The following VAC14 variants were observed in gnomAD, a reference collection of about 807,000 sequenced individuals.
VAC14 encodes VAC14 component of PIKFYVE complex.
Under a neutral mutation model 85.3 loss-of-function variants are expected in VAC14, and 47 were observed. The observed-to-expected ratio is 0.55, with a 90% CI of 0.44 to 0.70. The LOEUF is 0.70. Ranked by LOEUF, VAC14 falls within the 30% of genes least tolerant of loss-of-function variation. The probability of loss-of-function intolerance (pLI) is 0.00; values close to 1 mark genes in which losing one functional copy is unlikely to be tolerated. For missense variants in VAC14, 861 were observed against 1,004.3 expected (o/e 0.86, Z 1.93); for synonymous variants, 447 against 430.5 (o/e 1.04, Z -0.47).
At chr16:70,705,520 C>T (rs980994093) in intron 14 of VAC14, among the ~76,000 whole-genome samples, 1 of 152,242 alleles carries the variant, frequency 6.6e-6, no homozygotes, top group African/African-American at 2.4e-5. Flanking sequence ...TCCCAGGGGC[C>T]TCTGACATTC....
chr16:70,782,053 T>C, intron 7 of VAC14, 50 bp from the exon 8 acceptor site: 1 of 1,598,088 alleles, frequency 6.3e-7, no homozygotes, highest in Middle Eastern at 1.9e-4. Context: ...GCAGCCCGAG[T>C]GCTCCCTCCC....
chr16:70,717,612 G>C (rs192376023), intron 14 of VAC14, among the ~76,000 whole-genome samples: 6 of 152,256 alleles, frequency 3.9e-5, no homozygotes, highest in Non-Finnish European at 7.4e-5. Flanking sequence ...GGGTGGGTTG[G>C]GGGACAGAAG....
rs543483273 is a variant in VAC14, at chr16:70,692,677, G to C, written c.2186+144C>G. Reference sequence around the variant, plus strand: ...GCCAAGGGGCAAGTGGCTGCGGGGGGGATGGTGGTCACAGTGACAAAAGGG... The same window carrying C: ...GCCAAGGGGCAAGTGGCTGCGGGGGCGATGGTGGTCACAGTGACAAAAGGG... On this transcript the variant is annotated intron_variant, in intron 18 of 18. Coordinates refer to ENST00000261776, the MANE Select transcript of VAC14 (RefSeq NM_018052.5). 38 of 1,118,516 alleles carry C rather than the reference G, an allele frequency of 3.4e-5. No homozygotes were observed. In the African/African-American group the frequency reaches 4.7e-4, roughly 14 times the overall value. 69.3% of individuals were successfully genotyped at this position (1,118,516 alleles called of 1,614,324 possible). A position where few individuals can be genotyped will look rare whatever the true frequency, so the allele number is the denominator to read the frequency against.
chr16:70,704,091 G>A (rs1328130617), intron 14 of VAC14, among the ~76,000 whole-genome samples: 4 of 152,222 alleles, frequency 2.6e-5, no homozygotes, highest in African/African-American at 4.8e-5. Context: ...ATGGACAGCC[G>A]CAGGCCTCTG....
chr16:70,782,561 C>T (rs947977608), intron 7 of VAC14, among the ~76,000 whole-genome samples: 1 of 152,262 alleles, frequency 6.6e-6, no homozygotes, highest in East Asian at 1.9e-4. Context: ...AGCAACCCTA[C>T]AGTTAACAGC....
intron 9 of VAC14, chr16:70,779,193 G>T (rs1597998842): frequency 6.6e-6 from 1 of 152,254 alleles, no homozygotes; most frequent in African/African-American, 2.4e-5. Context: ...TGACACCTGA[G>T]ATGGGTCCAG....
intron 12 of VAC14, among the ~76,000 whole-genome samples, chr16:70,749,086 T>G (rs925223924): frequency 1.3e-5 from 2 of 152,224 alleles, no homozygotes; most frequent in Non-Finnish European, 2.9e-5. Flanking sequence ...TTGTGAAGAT[T>G]ACAAGAGATA....
At position 70,800,925 on chromosome 16, in the gene VAC14, A is replaced by C; in HGVS notation, c.-25T>G. The C allele has an allele frequency of 2.6e-6, 4 of 1,534,846 alleles. No individual in the cohort carries two copies. The highest frequency in any genetic ancestry group is 1.9e-5 in the Admixed American group (1 of 53,308). ...TGGTGGCAGCTGGGGGAACCTCGCG[A>C]CTCCTTAGCCCGCGGCTGCCGGGGC... On this transcript the variant is annotated 5_prime_UTR_variant, in exon 1 of 19. Coordinates refer to ENST00000261776, the MANE Select transcript of VAC14 (RefSeq NM_018052.5).
chr16:70,796,654 A>C (rs1014783164), intron 1 of VAC14, among the ~76,000 whole-genome samples: 1 of 152,176 alleles, frequency 6.6e-6, no homozygotes, highest in Non-Finnish European at 1.5e-5. Flanking sequence ...GATGCAAAAT[A>C]AATGAGATGA....
chr16:70,733,653 C>A (rs954878797), intron 13 of VAC14, among the ~76,000 whole-genome samples: 5 of 151,978 alleles, frequency 3.3e-5, no homozygotes, highest in African/African-American at 1.2e-4. Context: ...CTCTCTTGCT[C>A]CTGCTTTGGC....
At chr16:70,784,353 T>A in intron 4 of VAC14, 133 bp from the exon 5 acceptor site, 1 of 679,162 alleles carries the variant, frequency 1.5e-6, no homozygotes, top group Non-Finnish European at 2.6e-6. Context: ...GAGCTAGGCA[T>A]AAGAGGTCTC....
intron 1 of VAC14, among the ~76,000 whole-genome samples, chr16:70,788,077 C>T (rs1268986931): frequency 6.6e-6 from 1 of 152,234 alleles, no homozygotes; most frequent in African/African-American, 2.4e-5. Context: ...ACCTGTTCCA[C>T]AAATGGGGTC....
intron 14 of VAC14, among the ~76,000 whole-genome samples, chr16:70,710,443 G>T (rs1434349575): frequency 2.0e-5 from 3 of 152,236 alleles, no homozygotes; most frequent in Non-Finnish European, 4.4e-5. Flanking sequence ...ACCGCAGGGG[G>T]ACTTGTGAGG....
At chr16:70,787,222 C>T (rs149074170) in intron 1 of VAC14, among the ~76,000 whole-genome samples, 4 of 152,252 alleles carry the variant, frequency 2.6e-5, no homozygotes, top group East Asian at 3.9e-4. Flanking sequence ...ATGCCGGGGA[C>T]GTTCAGGAGA....
chr16:70,687,962 C>A lies in VAC14; in HGVS notation c.2315G>T (p.Arg772Leu), dbSNP rs763889868. ...HLEVRHQRSG[R>L]GDHLDRRVVL ...AACCCTCCGGTCCAGGTGGTCCCCACGCCCGCTCCGCTGGTGCCGCACTTC... is the reference window on the plus strand; with the variant it reads ...AACCCTCCGGTCCAGGTGGTCCCCAAGCCCGCTCCGCTGGTGCCGCACTTC... Residue 772 changes from arginine to leucine, a missense_variant, in exon 19 of 19, where the codon CGT (arginine) becomes CTT (leucine). Transcript: ENST00000261776. 1 of 1,587,146 alleles carries A rather than the reference C, an allele frequency of 6.3e-7. No individual in the cohort carries two copies. The highest frequency in any genetic ancestry group is 8.6e-7 in the Non-Finnish European group (1 of 1,164,502).
At chr16:70,778,458 C>G (rs1286895970) in intron 9 of VAC14, 1 of 151,582 alleles carries the variant, frequency 6.6e-6, no homozygotes, top group Non-Finnish European at 1.5e-5. Flanking sequence ...ATTCATATAA[C>G]ATTTCACATA....
At chr16:70,692,109 A>C (rs1170755512) in intron 18 of VAC14, 2 of 981,560 alleles carry the variant, frequency 2.0e-6, no homozygotes, top group African/African-American at 3.6e-5. Flanking sequence ...CAAAGCCTCC[A>C]AGGGTTACCA....
chr16:70,788,435 C>T (rs974966658), intron 1 of VAC14, among the ~76,000 whole-genome samples: 1 of 152,174 alleles, frequency 6.6e-6, no homozygotes, highest in Non-Finnish European at 1.5e-5. Context: ...CTGTGAGTTG[C>T]CCCTTGCTTT....
At chr16:70,734,113 C>T (rs1052923118) in intron 13 of VAC14, among the ~76,000 whole-genome samples, 6 of 151,354 alleles carry the variant, frequency 4.0e-5, no homozygotes, top group South Asian at 2.1e-4. Context: ...TGAGCCACTG[C>T]GCCCAGCCAT....
Sources: gnomAD v4.1 joint callset for allele counts (sites outside exome capture counted in the v4.1 genomes callset) on GRCh38, gnomAD v4.1.1 for gene constraint, MANE v1.5 for transcripts, NCBI Gene and HGNC (gene_info 2026-07-23, HGNC 2026-07-21) for gene names.